Variants in SPAST observed in about 807,000 individuals in gnomAD.
The protein encoded by SPAST is spastic paraplegia 4 (autosomal dominant; spastin).
Under a neutral mutation model 76.6 loss-of-function variants are expected in SPAST, and 30 were observed. That is an observed-to-expected ratio of 0.39 (90% confidence interval 0.29 to 0.53). The LOEUF (loss-of-function observed/expected upper bound fraction) is 0.53, where lower values mean the gene tolerates loss of function less well. SPAST is among the 20% of genes least tolerant of loss of function. The pLI is 0.68. For synonymous variants in SPAST, 305 were observed against 281.0 expected, an observed-to-expected ratio of 1.09 and a Z score of -0.86; for missense variants, 717 against 770.5, an observed-to-expected ratio of 0.93 and a Z score of 0.82.
At position 32,118,341 on chromosome 2, in the gene SPAST, A is replaced by G. The variant is rs73922703; in HGVS notation, c.1098+2129A>G. Among the ~76,000 whole-genome samples the G allele has an allele frequency of 8.5e-3, 1,293 of 152,274 alleles. 15 individuals carry two copies. Among genetic ancestry groups the G allele is most frequent in the African/African-American group, 0.03 (1,228 of 41,558 alleles). ...TTCAAGTCTATTTTACTTATTACTCATTCTAAGTACATAAAATCACTGGTC... is the reference window on the plus strand; with the variant it reads ...TTCAAGTCTATTTTACTTATTACTCGTTCTAAGTACATAAAATCACTGGTC... On this transcript the variant is annotated intron_variant, in intron 7 of 16. Transcript: ENST00000315285.
At chr2:32,066,889 A>C (rs573167702) in intron 1 of SPAST, among the ~76,000 whole-genome samples, 2 of 143,182 alleles carry the variant, frequency 1.4e-5, no homozygotes, top group East Asian at 4.1e-4. Context: ...TAGGAGGATC[A>C]CTTGAGCTCA....
rs182392557 is a variant in SPAST at position 32,104,240 on chromosome 2, T to G, written c.682+5349T>G. On this transcript the variant is annotated intron_variant, in intron 4 of 16. Coordinates refer to ENST00000315285, the MANE Select transcript of SPAST (RefSeq NM_014946.4). ...TTTGTCTCTTTTGATCTTTGTTGGTTTAAAGTCTGTTTTATCAGAGAGTTG... is the reference window on the plus strand; with the variant it reads ...TTTGTCTCTTTTGATCTTTGTTGGTGTAAAGTCTGTTTTATCAGAGAGTTG... Among the ~76,000 whole-genome samples the G allele has an allele frequency of 8.4e-4, 128 of 152,318 alleles. 2 individuals carry two copies. The East Asian group carries it at 0.012, about 14-fold the overall frequency.
intron 4 of SPAST, among the ~76,000 whole-genome samples, chr2:32,101,636 T>C (rs1678130099): frequency 6.6e-6 from 1 of 152,246 alleles, no homozygotes; most frequent in Non-Finnish European, 1.5e-5. Flanking sequence ...TAATCCATCT[T>C]GAATTAATTT....
intron 4 of SPAST, among the ~76,000 whole-genome samples, chr2:32,106,699 T>C (rs1485904746): frequency 6.6e-6 from 1 of 152,222 alleles, no homozygotes; most frequent in South Asian, 2.1e-4. Flanking sequence ...ACTCTTTCCC[T>C]TGTGGCTTCA....
chr2:32,085,662 G>A (rs1677445936), intron 1 of SPAST, among the ~76,000 whole-genome samples: 1 of 152,148 alleles, frequency 6.6e-6, no homozygotes, highest in Non-Finnish European at 1.5e-5. Flanking sequence ...TTTTCAGGGT[G>A]AAGAAACAGA....
At chr2:32,106,202 G>A (rs754604209) in intron 4 of SPAST, among the ~76,000 whole-genome samples, 7 of 152,152 alleles carry the variant, frequency 4.6e-5, no homozygotes, top group African/African-American at 1.4e-4. Flanking sequence ...CTTGCAGTTC[G>A]ATCTCAGACT....
chr2:32,068,246 G>C (rs1460699836), intron 1 of SPAST, among the ~76,000 whole-genome samples: 1 of 151,800 alleles, frequency 6.6e-6, no homozygotes, highest in African/African-American at 2.4e-5. Context: ...CCAAAGTGCT[G>C]GGATTACAGG....
intron 1 of SPAST, among the ~76,000 whole-genome samples, chr2:32,071,809 G>T (rs888873651): frequency 6.6e-6 from 1 of 152,188 alleles, no homozygotes; most frequent in African/African-American, 2.4e-5. Context: ...TTATTGTACA[G>T]ATGAAGCCTC....
rs1680290582 is a variant in SPAST at position 32,157,499 on chromosome 2, T to G, written c.*3003T>G. 1 of 152,632 alleles carries G rather than the reference T, an allele frequency of 6.6e-6. No individual in the cohort carries two copies. The highest frequency in any genetic ancestry group is 1.5e-5 in the Non-Finnish European group (1 of 68,030). The allele number at this position is 152,632 out of a possible 1,614,324, so 9.5% of individuals were successfully genotyped here. On this transcript the variant is annotated 3_prime_UTR_variant, in exon 17 of 17. Coordinates refer to ENST00000315285, the MANE Select transcript of SPAST (RefSeq NM_014946.4). ...TTACAGTTCGGTTTTGGACTCTGAGTCAAAGGATTTTCCTTTAAATGCTTG... is the reference window on the plus strand; with the variant it reads ...TTACAGTTCGGTTTTGGACTCTGAGGCAAAGGATTTTCCTTTAAATGCTTG...
At chr2:32,113,710 C>T (rs1344650348) in intron 4 of SPAST, among the ~76,000 whole-genome samples, 1 of 151,070 alleles carries the variant, frequency 6.6e-6, no homozygotes, top group East Asian at 2.0e-4. Context: ...GGATTATAGG[C>T]CCCCACCACC....
At chr2:32,128,687 G>A (rs929433591) in intron 9 of SPAST, 8 of 560,778 alleles carry the variant, frequency 1.4e-5, no homozygotes, top group Middle Eastern at 9.8e-4. Flanking sequence ...CTGGGGCCAT[G>A]TAATAAAATA....
intron 12 of SPAST, among the ~76,000 whole-genome samples, chr2:32,139,455 G>C (rs1050949054): frequency 6.6e-6 from 1 of 152,158 alleles, no homozygotes; most frequent in Non-Finnish European, 1.5e-5. Flanking sequence ...CAAAAAATTA[G>C]TACCATTTCT....
intron 9 of SPAST, among the ~76,000 whole-genome samples, chr2:32,134,695 C>T (rs973311936): frequency 3.3e-5 from 5 of 151,940 alleles, no homozygotes; most frequent in African/African-American, 1.2e-4. Context: ...GGATTCTAGC[C>T]TAGCTTTTTA....
At chr2:32,086,766 A>G (rs1677498001) in intron 1 of SPAST, among the ~76,000 whole-genome samples, 1 of 152,172 alleles carries the variant, frequency 6.6e-6, no homozygotes. Flanking sequence ...TCAAAAAAAA[A>G]AGAAAAAAAG....
chr2:32,069,154 G>A (rs1039634197), intron 1 of SPAST, among the ~76,000 whole-genome samples: 8 of 151,636 alleles, frequency 5.3e-5, no homozygotes, highest in South Asian at 2.1e-4. Flanking sequence ...TGGAGATTGC[G>A]GTGGGCCAAG....
At chr2:32,069,117 G>A (rs1042386985) in intron 1 of SPAST, among the ~76,000 whole-genome samples, 1 of 151,566 alleles carries the variant, frequency 6.6e-6, no homozygotes, top group Admixed American at 6.6e-5. Flanking sequence ...GGACGCTGAC[G>A]CAGGACAATT....
intron 7 of SPAST, 55 bp downstream of exon 7, chr2:32,116,267 G>A (rs1678831802): frequency 2.1e-6 from 2 of 969,120 alleles, no homozygotes; most frequent in Non-Finnish European, 3.3e-6. Flanking sequence ...TGAATCCATA[G>A]TAGTAGTAGT....
At chr2:32,116,045 T>G (rs1678820616) in intron 6 of SPAST, 74 bp from the exon 7 acceptor site, 1 of 1,136,606 alleles carries the variant, frequency 8.8e-7, no homozygotes, top group African/African-American at 1.5e-5. Flanking sequence ...CTATATGTCA[T>G]AGGGCTTAGG....
At chr2:32,072,230 A>G (rs1376473526) in intron 1 of SPAST, among the ~76,000 whole-genome samples, 1 of 151,882 alleles carries the variant, frequency 6.6e-6, no homozygotes, top group Non-Finnish European at 1.5e-5. Flanking sequence ...TTTTTAGTAG[A>G]GACGGGATTT....
Sources: gnomAD v4.1 joint callset for allele counts (sites outside exome capture counted in the v4.1 genomes callset) on GRCh38, gnomAD v4.1.1 for gene constraint, MANE v1.5 for transcripts, NCBI Gene and HGNC (gene_info 2026-07-23, HGNC 2026-07-21) for gene names.